Variants in TIAM2 observed in about 807,000 individuals in gnomAD.
TIAM2 encodes TIAM Rac1 associated GEF 2.
Under a neutral mutation model 152.9 loss-of-function variants are expected in TIAM2, and 80 were observed. That is an observed-to-expected ratio of 0.52 (90% CI 0.44 to 0.63). The LOEUF (loss-of-function observed/expected upper bound fraction) is 0.63, where lower values mean the gene tolerates loss of function less well. Ranked by LOEUF, TIAM2 falls within the 30% of genes least tolerant of loss-of-function variation. TIAM2 has a pLI of 0.00. For synonymous variants in TIAM2, 804 were observed against 838.0 expected (o/e 0.96, Z 0.70); for missense variants, 1,965 against 2,120.1 (o/e 0.93, Z 1.44).
chr6:155,186,133 G>A lies in TIAM2; in HGVS notation c.3064+2633G>A, dbSNP rs1444778035. On this transcript the variant is annotated intron_variant, in intron 14 of 26. Coordinates refer to ENST00000682666, the MANE Select transcript of TIAM2 (RefSeq NM_012454.4). This position sits in a 1 kb window ranked among gnomAD's most constrained non-coding sequence, Gnocchi z 4.5. ...GGTCTCTCATTCATATGCAACATCT[G>A]AATGACAAGAGAAGCCTGTGTTTGT... Among the ~76,000 whole-genome samples, 1 of 152,212 alleles carries A rather than the reference G, an allele frequency of 6.6e-6. No homozygotes were observed. Among genetic ancestry groups the A allele is most frequent in the Non-Finnish European group, 1.5e-5 (1 of 68,036 alleles).
intron 15 of TIAM2, chr6:155,232,837 T>C (rs7747812): frequency 0.72 from 108,883 of 152,002 alleles, 39,603 homozygotes; most frequent in African/African-American, 0.75. Context: ...TTACGGATCC[T>C]CCCCCAACAT....
chr6:155,046,159 G>T (rs1777169805), intron 1 of TIAM2, among the ~76,000 whole-genome samples: 1 of 151,904 alleles, frequency 6.6e-6, no homozygotes, highest in Non-Finnish European at 1.5e-5. Flanking sequence ...TTTGCTGTTG[G>T]TATGATTTTA....
At chr6:155,224,323 A>T (rs1782166625) in intron 15 of TIAM2, among the ~76,000 whole-genome samples, 1 of 152,040 alleles carries the variant, frequency 6.6e-6, no homozygotes, top group South Asian at 2.1e-4. Flanking sequence ...TCCTCTATAG[A>T]CTCAGCTAAG....
rs1254669577 is a variant in TIAM2 at position 155,000,130 on chromosome 6, C to T, written c.-209+4638C>T. ...CTGTGCATACATCATCTCATTTATT[C>T]CTCTGAATTTAAAAAAAGTAGACTT... On this transcript the variant is annotated intron_variant, in intron 1 of 26. Coordinates refer to ENST00000682666, the MANE Select transcript of TIAM2 (RefSeq NM_012454.4). 2.0e-5 allele frequency among the ~76,000 whole-genome samples: 3 copies of T among 152,294 alleles called. No individual in the cohort carries two copies. In the East Asian group the frequency reaches 5.8e-4, roughly 29 times the overall value.
At chr6:155,254,249 T>C in intron 25 of TIAM2, 170 bp from the exon 26 acceptor site, 1 of 1,012,388 alleles carries the variant, frequency 9.9e-7, no homozygotes, top group Non-Finnish European at 1.4e-6. Context: ...ATCTTAAGAG[T>C]GATCAATTCT....
At chr6:155,084,116 A>C (rs910806618) in intron 1 of TIAM2, among the ~76,000 whole-genome samples, 1 of 152,152 alleles carries the variant, frequency 6.6e-6, no homozygotes, top group Non-Finnish European at 1.5e-5. Context: ...ATTCTGATCT[A>C]CCTGGGGCAC....
chr6:155,190,287 T>A (rs191097194), intron 14 of TIAM2, among the ~76,000 whole-genome samples: 18 of 152,340 alleles, frequency 1.2e-4, no homozygotes, highest in East Asian at 1.2e-3. Context: ...TATTGTCATG[T>A]TGAATGATCA....
rs553145577 is a variant in TIAM2, at chr6:155,015,900, A to G, written c.-209+20408A>G. On this transcript the variant is annotated intron_variant, in intron 1 of 26. Transcript: ENST00000682666. ...TGCAGTGAGCCAAGATGGCACCACT[A>G]CACTCTAGCCTGGGCCACAGAGCAA... Among the ~76,000 whole-genome samples, 21 of 147,464 alleles carry G rather than the reference A, an allele frequency of 1.4e-4. No individual in the cohort carries two copies. The East Asian group carries it at 3.8e-3, about 27-fold the overall frequency.
At chr6:155,088,796 C>A (rs1191404109) in intron 1 of TIAM2, among the ~76,000 whole-genome samples, 1 of 152,168 alleles carries the variant, frequency 6.6e-6, no homozygotes. Context: ...CATTATTAGA[C>A]CTTTTTTGCA....
chr6:155,257,190 C>CAAAAAAA lies in TIAM2; in HGVS notation c.*84_*90dup. The CAAAAAAA allele has an allele frequency of 1.8e-6, 1 of 543,894 alleles. No individual in the cohort carries two copies. 33.7% of individuals were successfully genotyped at this position (543,894 alleles called of 1,614,324 possible). On this transcript the variant is annotated 3_prime_UTR_variant, in exon 27 of 27. Transcript: ENST00000682666. ...TAAACTGGTGGTAAAGTGGAAATTGCAAAAAAAAAAAAAAAAAAAAACTGT... is the reference window on the plus strand; with the variant it reads ...TAAACTGGTGGTAAAGTGGAAATTGCAAAAAAAAAAAAAAAAAAAAAAAAAAAACTGT...
chr6:155,032,283 A>T (rs1776839923), intron 1 of TIAM2, among the ~76,000 whole-genome samples: 2 of 152,136 alleles, frequency 1.3e-5, no homozygotes, highest in Admixed American at 1.3e-4. Flanking sequence ...TTCCATTGTG[A>T]TCCTTTCCCC....
At chr6:155,250,045 C>A in intron 21 of TIAM2, 76 bp downstream of exon 21, 2 of 1,090,158 alleles carry the variant, frequency 1.8e-6, no homozygotes, top group Non-Finnish European at 2.7e-6. Context: ...AGATAGGCTG[C>A]CCTGTTAGGA....
intron 14 of TIAM2, among the ~76,000 whole-genome samples, chr6:155,190,833 G>A (rs1485108952): frequency 4.8e-5 from 7 of 146,242 alleles, no homozygotes; most frequent in African/African-American, 1.8e-4. Flanking sequence ...TGTTACATAA[G>A]GAAAAGGAAA....
At chr6:155,197,876 A>C (rs990861601) in intron 14 of TIAM2, among the ~76,000 whole-genome samples, 80 of 152,238 alleles carry the variant, frequency 5.3e-4, no homozygotes, top group African/African-American at 1.9e-3. Flanking sequence ...CTACAATTCA[A>C]GATGAGCTTT....
intron 12 of TIAM2, among the ~76,000 whole-genome samples, chr6:155,180,246 A>ACTGT (rs968023686): frequency 6.6e-6 from 1 of 152,174 alleles, no homozygotes; most frequent in African/African-American, 2.4e-5. Context: ...AGATTGCACC[A>ACTGT]CTGTACTCTA....
At position 155,187,811 on chromosome 6, in the gene TIAM2, C is replaced by T. The variant is rs947928360; in HGVS notation, c.3064+4311C>T. Among the ~76,000 whole-genome samples, 9 of 151,998 alleles carry T rather than the reference C, an allele frequency of 5.9e-5. No homozygotes were observed. In the East Asian group the frequency reaches 1.2e-3, roughly 20 times the overall value. The stretch of plus-strand genomic sequence containing the variant: ...CAGGCTGGTCTCGAACTCCCAACCT[C>T]GGGTGATCTGCCCGCCTCGACCTCC... On this transcript the variant is annotated intron_variant, in intron 14 of 26. Coordinates refer to ENST00000682666, the MANE Select transcript of TIAM2 (RefSeq NM_012454.4).
intron 1 of TIAM2, among the ~76,000 whole-genome samples, chr6:155,078,449 A>G (rs571788623): frequency 2.6e-4 from 39 of 152,286 alleles, no homozygotes; most frequent in African/African-American, 8.9e-4. Flanking sequence ...CACGTCACGC[A>G]TGGGACCATC....
In TIAM2 at chr6:155,090,302, A is replaced by T. The variant is rs1778272300; in HGVS notation, c.-195A>T. On this transcript the variant is annotated 5_prime_UTR_variant, in exon 2 of 27. Transcript: ENST00000682666. The stretch of plus-strand genomic sequence containing the variant: ...TTATTTTGCCAGGGCTCTGTGTATG[A>T]ATGACAAGGATACCTTCAGCCAGCT... The T allele has an allele frequency of 6.6e-6, 1 of 152,190 alleles. No homozygotes were observed. The allele number at this position is 152,190 out of a possible 1,614,324, so 9.4% of individuals were successfully genotyped here.
chr6:155,035,263 C>A (rs969900479), intron 1 of TIAM2, among the ~76,000 whole-genome samples: 2 of 150,986 alleles, frequency 1.3e-5, no homozygotes, highest in Non-Finnish European at 2.9e-5. Flanking sequence ...TGCTTTGTCA[C>A]CCAGGCTGGA....
Sources: allele counts gnomAD v4.1 joint callset (sites outside exome capture counted in the v4.1 genomes callset), GRCh38; gene constraint gnomAD v4.1.1; non-coding constraint Gnocchi (gnomAD v3.1); transcripts MANE v1.5; gene names NCBI Gene and HGNC (gene_info 2026-07-23, HGNC 2026-07-21).